DCAF4: variants seen among roughly 807,000 people sequenced by gnomAD.
The protein encoded by DCAF4 is DDB1 and CUL4 associated factor 4.
In DCAF4, 37 loss-of-function variants were observed where a neutral mutation model predicts 60.9. That is an observed-to-expected ratio of 0.61 (90% CI 0.47 to 0.80). The LOEUF (loss-of-function observed/expected upper bound fraction) is 0.80, where lower values mean the gene tolerates loss of function less well. Ranked by LOEUF, DCAF4 falls within the 30% of genes least tolerant of loss-of-function variation. DCAF4 has a pLI of 0.00. For missense variants in DCAF4, 577 were observed against 650.0 expected, an observed-to-expected ratio of 0.89 and a Z score of 1.22; for synonymous variants, 243 against 254.8, an observed-to-expected ratio of 0.95 and a Z score of 0.44.
intron 12 of DCAF4, 95 bp downstream of exon 12, chr14:72,955,791 C>T (rs1182079451): frequency 1.4e-5 from 17 of 1,217,922 alleles, no homozygotes; most frequent in Non-Finnish European, 1.9e-5. Flanking sequence ...CACACCAAGA[C>T]CCCAGGCAGG....
In DCAF4 at chr14:72,938,017, G is replaced by T; in HGVS notation, c.39G>T (p.Gly13=). The T allele has an allele frequency of 3.1e-6, 5 of 1,611,190 alleles. No homozygotes were observed. The highest frequency in any genetic ancestry group is 4.2e-6 in the Non-Finnish European group (5 of 1,179,202). Residue 13 remains glycine, a synonymous_variant, in exon 2 of 14, where the codon GGG becomes GGT. Coordinates refer to ENST00000358377, the MANE Select transcript of DCAF4 (RefSeq NM_015604.4). ...GCTGGCAGAGTAGAAGACGACATGGGAGAAGAAGCCACCAGCAGAACCCTT... is the reference window on the plus strand; with the variant it reads ...GCTGGCAGAGTAGAAGACGACATGGTAGAAGAAGCCACCAGCAGAACCCTT... The part of the protein sequence containing the change: ...KSRWQSRRRH[G]RRSHQQNPWF...
chr14:72,934,274 C>G (rs1888968376), intron 1 of DCAF4, among the ~76,000 whole-genome samples: 1 of 152,120 alleles, frequency 6.6e-6, no homozygotes, highest in Non-Finnish European at 1.5e-5. Context: ...CTGCCTCAGC[C>G]TCCCAAGTAG....
chr14:72,958,387 C>G (rs1280115079), intron 13 of DCAF4, among the ~76,000 whole-genome samples: 1 of 152,232 alleles, frequency 6.6e-6, no homozygotes, highest in Admixed American at 6.5e-5. Context: ...CAGGATGTCT[C>G]CGAGCCATTC....
chr14:72,941,523 GT>G (rs1890044652), intron 4 of DCAF4, among the ~76,000 whole-genome samples: 1 of 152,118 alleles, frequency 6.6e-6, no homozygotes, highest in African/African-American at 2.4e-5. Flanking sequence ...CGTGGGCAGA[GT>G]TGACGAGCAG....
intron 12 of DCAF4, 82 bp downstream of exon 12, chr14:72,955,778 C>CCT: frequency 3.0e-6 from 4 of 1,336,986 alleles, no homozygotes; most frequent in Non-Finnish European, 4.2e-6. Context: ...CTGAAGAGGT[C>CCT]CTCACACCAA....
intron 1 of DCAF4, among the ~76,000 whole-genome samples, chr14:72,930,394 A>G (rs1399455353): frequency 6.6e-6 from 1 of 151,952 alleles, no homozygotes; most frequent in Non-Finnish European, 1.5e-5. Flanking sequence ...TCAGCCTCCC[A>G]AATAGCTGGG....
chr14:72,952,390 T>C (rs1023467752), intron 9 of DCAF4, among the ~76,000 whole-genome samples: 1 of 152,186 alleles, frequency 6.6e-6, no homozygotes. Context: ...GAATGGAATG[T>C]TGAACCTCTC....
intron 11 of DCAF4, among the ~76,000 whole-genome samples, chr14:72,955,159 C>G (rs1892100662): frequency 6.6e-6 from 1 of 151,782 alleles, no homozygotes. Context: ...AGACTTTTCT[C>G]TAGAAAATGC....
At chr14:72,937,949 T>G in intron 1 of DCAF4, 22 bp from the exon 2 acceptor site, 1 of 1,571,980 alleles carries the variant, frequency 6.4e-7, no homozygotes, top group South Asian at 1.2e-5. Context: ...GATGTATGGA[T>G]TTTTTTGTTT....
At chr14:72,940,591 GTT>G (rs60174440) in intron 4 of DCAF4, 617 of 284,684 alleles carry the variant, frequency 2.2e-3, no homozygotes, top group South Asian at 6.7e-3. Flanking sequence ...TCGATAAGTT[GTT>G]TTTTTTTTTT....
At chr14:72,929,950 G>A (rs1888316948) in intron 1 of DCAF4, 2 of 907,426 alleles carry the variant, frequency 2.2e-6, no homozygotes, top group South Asian at 3.0e-5. Flanking sequence ...TCTCCATGGC[G>A]GCCGTGGCGG....
intron 13 of DCAF4, 111 bp downstream of exon 13, chr14:72,956,611 A>G: frequency 2.0e-6 from 2 of 1,024,756 alleles, no homozygotes; most frequent in Non-Finnish European, 3.0e-6. Context: ...GAACTGAATC[A>G]AGGGGAGTGT....
chr14:72,931,767 T>C (rs1374891020), intron 1 of DCAF4, among the ~76,000 whole-genome samples: 1 of 152,198 alleles, frequency 6.6e-6, no homozygotes, highest in Non-Finnish European at 1.5e-5. Context: ...GTGCTTTTTC[T>C]GTGTATCAAT....
At chr14:72,938,230 C>T (rs1443926522) in intron 2 of DCAF4, among the ~76,000 whole-genome samples, 160 bp downstream of exon 2, 1 of 152,122 alleles carries the variant, frequency 6.6e-6, no homozygotes, top group Non-Finnish European at 1.5e-5. Flanking sequence ...AGCCTGCCTT[C>T]CTAACGTGCT....
In DCAF4 at chr14:72,954,442, G is replaced by C. The variant is rs150517676; in HGVS notation, c.964G>C (p.Gly322Arg). ...NVVTGHRQSF[G>R]TNSDVLAQQF... ...GGTGACGGGACACCGGCAGTCCTTT[G>C]GGACCAACAGTGATGTCTTGGCCCA... Residue 322 changes from glycine to arginine, a missense_variant, in exon 11 of 14, where the codon GGG becomes CGG. Gly to Arg is a moderately radical substitution (Grantham distance 125). Transcript: ENST00000358377. 8.8e-5 allele frequency: 142 copies of C among 1,614,084 alleles called. 1 individual carries two copies. The Admixed American group carries it at 2.4e-3, about 27-fold the overall frequency.
Position 72,958,773 on chromosome 14 carries a change from G to A in DCAF4, c.1456G>A (p.Gly486Arg), listed in dbSNP as rs370177630. ...CGCGCCGGGGCTGCTCATGGCTGTC[G>A]GGCAGGACCTTTACTGTTACTCCTA... is the stretch of plus-strand genomic sequence containing the variant. ...RGAPGLLMAVGQDLYCYSYS is the reference protein window; with the variant it reads ...RGAPGLLMAVRQDLYCYSYS Residue 486 changes from glycine to arginine, a missense_variant, in exon 14 of 14, where the codon GGG becomes AGG. Gly to Arg is a moderately radical substitution (Grantham distance 125). Coordinates refer to ENST00000358377, the MANE Select transcript of DCAF4 (RefSeq NM_015604.4). 118 of 1,595,020 alleles carry A rather than the reference G, an allele frequency of 7.4e-5. No homozygotes were observed. The highest frequency in any genetic ancestry group is 9.1e-5 in the Non-Finnish European group (106 of 1,171,200).
At chr14:72,956,337 A>G (rs1360827701) in intron 12 of DCAF4, 49 bp from the exon 13 acceptor site, 6 of 1,467,554 alleles carry the variant, frequency 4.1e-6, no homozygotes, top group Middle Eastern at 1.8e-4. Context: ...GGGGACCACC[A>G]TGGTACCCCC....
At chr14:72,956,778 G>A in intron 13 of DCAF4, 1 of 385,110 alleles carries the variant, frequency 2.6e-6, no homozygotes, top group South Asian at 2.2e-5. Flanking sequence ...GGGGAGCCTG[G>A]GTTTGGAGTT....
rs548741983 is a variant in DCAF4, at chr14:72,939,550, C to G, written c.93-252C>G. Among the ~76,000 whole-genome samples the G allele has an allele frequency of 2.0e-5, 3 of 152,156 alleles. No homozygotes were observed. The East Asian group carries it at 5.8e-4, about 29-fold the overall frequency. On this transcript the variant is annotated intron_variant, in intron 2 of 13. Coordinates refer to ENST00000358377, the MANE Select transcript of DCAF4 (RefSeq NM_015604.4). Reference sequence around the variant, plus strand: ...ATTCCACAAGACCTCACAAAATGCGCGAGTGAGAAGATAAGAAGAGGGAAT... The same window carrying G: ...ATTCCACAAGACCTCACAAAATGCGGGAGTGAGAAGATAAGAAGAGGGAAT...
Sources: gnomAD v4.1 joint callset for allele counts (sites outside exome capture counted in the v4.1 genomes callset) on GRCh38, gnomAD v4.1.1 for gene constraint, MANE v1.5 for transcripts, NCBI Gene and HGNC (gene_info 2026-07-23, HGNC 2026-07-21) for gene names.